NCR1: variants seen among roughly 807,000 people sequenced by gnomAD.
NCR1 encodes NK cell-activating receptor.
NCR1 carries 30 observed loss-of-function variants against 32.5 expected under a neutral mutation model. That is an observed-to-expected ratio of 0.92 (90% CI 0.69 to 1.25). The LOEUF (loss-of-function observed/expected upper bound fraction) is 1.25, where lower values mean the gene tolerates loss of function less well. NCR1 is among the 50% of genes most tolerant of loss of function. The pLI, the probability that NCR1 is intolerant of heterozygous loss-of-function variation, is 0.00. For synonymous variants in NCR1, 169 were observed against 143.4 expected, an observed-to-expected ratio of 1.18 and a Z score of -1.28; for missense variants, 369 against 380.7, an observed-to-expected ratio of 0.97 and a Z score of 0.26.
intron 6 of NCR1, 75 bp from the exon 7 acceptor site, chr19:54,912,597 CTCAAAAAAAAAAAAAAAA>C: frequency 4.1e-6 from 3 of 740,068 alleles, no homozygotes; most frequent in Non-Finnish European, 3.9e-6. Context: ...GAGGCTCTGT[CTCAAAAAAAAAAAAAAAA>C]AAAAAAAAAA....
chr19:54,934,668 AG>A, the NCR1 span: 1 of 1,610,880 alleles, frequency 6.2e-7, no homozygotes, highest in Admixed American at 1.7e-5. The surrounding 1 kb of genome is among the most constrained non-coding windows in gnomAD (Gnocchi z 6.7). Flanking sequence ...ACCTGTGAAA[AG>A]AGTGGGAAAA....
chr19:54,934,088 C>T, the NCR1 span, among the ~76,000 whole-genome samples: 12 of 152,272 alleles, frequency 7.9e-5, no homozygotes, highest in South Asian at 6.2e-4. This position sits in a 1 kb window ranked among gnomAD's most constrained non-coding sequence, Gnocchi z 6.7. Context: ...GGACTACAGG[C>T]GCCCACCACA....
At chr19:54,934,400 C>A in the NCR1 span, 1 of 1,352,336 alleles carries the variant, frequency 7.4e-7, no homozygotes, top group Non-Finnish European at 1.1e-6. The surrounding 1 kb of genome is among the most constrained non-coding windows in gnomAD (Gnocchi z 6.7). Context: ...AGAGGCGCCA[C>A]GTGGGTGGCG....
the NCR1 span, among the ~76,000 whole-genome samples, chr19:54,924,643 T>C: frequency 2.2e-4 from 33 of 151,066 alleles, 1 homozygote; most frequent in South Asian, 2.7e-3. Flanking sequence ...ATTTAAAAAA[T>C]AGATAATCAG....
chr19:54,937,943 T>C, the NCR1 span: 1 of 625,246 alleles, frequency 1.6e-6, no homozygotes, highest in Non-Finnish European at 2.9e-6. Context: ...AATCCCCAAA[T>C]ACATGGAGAT....
downstream of NCR1, among the ~76,000 whole-genome samples, chr19:54,919,717 C>G (rs112377848): frequency 4.2e-5 from 6 of 143,060 alleles, no homozygotes; most frequent in East Asian, 2.5e-4. Context: ...AAGGGAGACC[C>G]CCCCCCCCAC....
chr19:54,920,973 G>C (rs1488911814), downstream of NCR1, among the ~76,000 whole-genome samples: 1 of 151,938 alleles, frequency 6.6e-6, no homozygotes, highest in Non-Finnish European at 1.5e-5. Flanking sequence ...GTGAGACTCT[G>C]TCCGCCCCAC....
chr19:54,903,693 G>GTA (rs926741165), upstream of NCR1, among the ~76,000 whole-genome samples: 8 of 147,938 alleles, frequency 5.4e-5, no homozygotes, highest in East Asian at 2.0e-4. Context: ...GTATATATGT[G>GTA]TATATATATA....
chr19:54,918,014 T>A (rs2068169051), downstream of NCR1, among the ~76,000 whole-genome samples: 1 of 152,154 alleles, frequency 6.6e-6, no homozygotes, highest in South Asian at 2.1e-4. Context: ...TGGACTGCAG[T>A]GGCGCGATCT....
At chr19:54,926,833 T>C in the NCR1 span, among the ~76,000 whole-genome samples, 5 of 150,608 alleles carry the variant, frequency 3.3e-5, no homozygotes, top group African/African-American at 1.2e-4. Flanking sequence ...GGAGAATCAC[T>C]TGAACCCAGG....
At chr19:54,911,917 C>CA (rs367770103) in intron 5 of NCR1, among the ~76,000 whole-genome samples, 13,167 of 136,118 alleles carry the variant, frequency 0.097, 989 homozygotes, top group East Asian at 0.37. Flanking sequence ...GACTCTATCT[C>CA]AAAAAAAAAA....
At chr19:54,936,184 C>A in the NCR1 span, 1 of 1,339,938 alleles carries the variant, frequency 7.5e-7, no homozygotes. Flanking sequence ...GGAGTGGTTA[C>A]CCTTTTTCCT....
chr19:54,898,474 G>A, the NCR1 span, among the ~76,000 whole-genome samples: 1 of 152,188 alleles, frequency 6.6e-6, no homozygotes, highest in African/African-American at 2.4e-5. Context: ...GCAAGGAATT[G>A]CAACTCAGAA....
At chr19:54,903,349 T>G (rs746047189), upstream of NCR1, among the ~76,000 whole-genome samples, 2 of 125,252 alleles carry the variant, frequency 1.6e-5, 1 homozygote, top group African/African-American at 7.7e-5. Context: ...TATACATATA[T>G]GCATATATAC....
At chr19:54,918,255 G>A (rs1019935141), downstream of NCR1, among the ~76,000 whole-genome samples, 7 of 151,508 alleles carry the variant, frequency 4.6e-5, no homozygotes, top group Non-Finnish European at 8.8e-5. Flanking sequence ...TTTTGAGATA[G>A]AGTCTGAGCC....
downstream of NCR1, among the ~76,000 whole-genome samples, chr19:54,919,229 G>A (rs915323683): frequency 9.6e-5 from 12 of 125,266 alleles, no homozygotes; most frequent in Non-Finnish European, 2.1e-4. Context: ...AAAGAGACAA[G>A]AGAAAAGGCA....
At chr19:54,904,531 C>CTTTTCTTTTT (rs1221694096), upstream of NCR1, among the ~76,000 whole-genome samples, 5 of 118,986 alleles carry the variant, frequency 4.2e-5, no homozygotes, top group Admixed American at 9.2e-5. Flanking sequence ...GTTTTCTTTT[C>CTTTTCTTTTT]TTTTTTTTTT....
upstream of NCR1, among the ~76,000 whole-genome samples, chr19:54,903,683 GTA>G (rs949495477): frequency 2.7e-5 from 4 of 147,848 alleles, no homozygotes; most frequent in Admixed American, 2.7e-4. Flanking sequence ...ATGTATAAAT[GTA>G]TATATGTGTA....
downstream of NCR1, among the ~76,000 whole-genome samples, chr19:54,919,206 A>C (rs686815): frequency 0.23 from 35,017 of 150,982 alleles, 4,107 homozygotes; most frequent in South Asian, 0.25. Context: ...GTGTAGAAAT[A>C]AAGACACAAG....
Sources: allele counts gnomAD v4.1 joint callset (sites outside exome capture counted in the v4.1 genomes callset), GRCh38; gene constraint gnomAD v4.1.1; non-coding constraint Gnocchi (gnomAD v3.1); transcripts MANE v1.5; gene names NCBI Gene and HGNC (gene_info 2026-07-23, HGNC 2026-07-21).